DAB1: variants seen among roughly 807,000 people sequenced by gnomAD.
DAB1 encodes the protein DAB adaptor protein 1.
DAB1 carries 15 observed loss-of-function variants against 64.6 expected under a neutral mutation model. That is an observed-to-expected ratio of 0.23 (90% confidence interval 0.16 to 0.36). The LOEUF is 0.36. DAB1 is among the 10% of genes least tolerant of loss of function. DAB1 has a pLI of 1.00. For missense variants in DAB1, 596 were observed against 706.7 expected (o/e 0.84, Z 1.78); for synonymous variants, 235 against 251.9 (o/e 0.93, Z 0.64).
chr1:57,682,949 C>A (rs771741446), intron 6 of DAB1, among the ~76,000 whole-genome samples: 2 of 152,182 alleles, frequency 1.3e-5, no homozygotes, highest in Non-Finnish European at 2.9e-5. Flanking sequence ...GGAATGAGTA[C>A]ACAGGACAGC....
At chr1:57,388,533 C>G (rs1682077251) in intron 1 of DAB1, among the ~76,000 whole-genome samples, 1 of 152,152 alleles carries the variant, frequency 6.6e-6, no homozygotes, top group Non-Finnish European at 1.5e-5. Flanking sequence ...CCCCCAGCTT[C>G]ATCACAAACT....
At chr1:57,089,530 C>T (rs535607067) in intron 4 of DAB1, among the ~76,000 whole-genome samples, 4 of 151,754 alleles carry the variant, frequency 2.6e-5, no homozygotes, top group African/African-American at 7.3e-5. Context: ...CAGGACCAGG[C>T]ATATCAGATG....
chr1:57,719,768 G>C (rs1647129077), intron 6 of DAB1, among the ~76,000 whole-genome samples: 1 of 152,204 alleles, frequency 6.6e-6, no homozygotes, highest in Admixed American at 6.5e-5. Flanking sequence ...CCCAGTGTCA[G>C]GTAGTATCTT....
intron 5 of DAB1, among the ~76,000 whole-genome samples, chr1:57,894,066 C>T (rs1644356653): frequency 6.6e-6 from 1 of 152,118 alleles, no homozygotes; most frequent in African/African-American, 2.4e-5. Context: ...GGGCAGCCAA[C>T]CCCAAGGGAA....
intron 4 of DAB1, among the ~76,000 whole-genome samples, chr1:58,341,379 A>C (rs1474617607): frequency 6.6e-6 from 1 of 152,192 alleles, no homozygotes; most frequent in Non-Finnish European, 1.5e-5. Context: ...ACTTGGACTG[A>C]AACCCAATAA....
chr1:57,917,112 G>A (rs1479047959), intron 5 of DAB1, among the ~76,000 whole-genome samples: 1 of 152,086 alleles, frequency 6.6e-6, no homozygotes, highest in East Asian at 1.9e-4. Context: ...CCCTGTCAGC[G>A]GGGCCACTCT....
chr1:57,381,170 A>C (rs189348763), intron 1 of DAB1, among the ~76,000 whole-genome samples: 59 of 152,296 alleles, frequency 3.9e-4, no homozygotes, highest in Middle Eastern at 3.4e-3. Flanking sequence ...ATACAAGCAG[A>C]ACAGCATTCA....
At chr1:57,094,921 T>A (rs1654019451) in intron 4 of DAB1, among the ~76,000 whole-genome samples, 2 of 152,146 alleles carry the variant, frequency 1.3e-5, no homozygotes, top group Non-Finnish European at 2.9e-5. Context: ...AAAGTGGGCT[T>A]CCCACATACC....
At chr1:57,960,570 G>A (rs1032739654) in intron 5 of DAB1, among the ~76,000 whole-genome samples, 4 of 151,824 alleles carry the variant, frequency 2.6e-5, no homozygotes, top group African/African-American at 7.3e-5. Context: ...AAATACATAC[G>A]TTAATACTAT....
chr1:58,171,977 C>T (rs1256988337), intron 4 of DAB1, among the ~76,000 whole-genome samples: 1 of 152,210 alleles, frequency 6.6e-6, no homozygotes, highest in Non-Finnish European at 1.5e-5. Context: ...TCTGGCTTAT[C>T]CTCACCCTAA....
At chr1:58,322,749 C>CAAAGGATTATAAATCATGCT (rs1553175093) in intron 4 of DAB1, among the ~76,000 whole-genome samples, 2 of 152,088 alleles carry the variant, frequency 1.3e-5, no homozygotes, top group African/African-American at 4.8e-5. Context: ...GGTATATACC[C>CAAAGGATTATAAATCATGCT]AAAGGATTAT....
intron 7 of DAB1, among the ~76,000 whole-genome samples, chr1:57,503,256 T>A (rs1644310141): frequency 6.6e-6 from 1 of 152,184 alleles, no homozygotes; most frequent in South Asian, 2.1e-4. Context: ...TCCCCTTAAA[T>A]CCCTTCTCTT....
intron 5 of DAB1, among the ~76,000 whole-genome samples, chr1:57,977,545 T>C (rs1645951009): frequency 6.6e-6 from 1 of 152,158 alleles, no homozygotes; most frequent in Admixed American, 6.6e-5. Flanking sequence ...CACTTACTAA[T>C]CAATAGATTT....
intron 6 of DAB1, among the ~76,000 whole-genome samples, chr1:57,685,437 A>G (rs1646685036): frequency 6.6e-6 from 1 of 152,210 alleles, no homozygotes; most frequent in Non-Finnish European, 1.5e-5. Flanking sequence ...ACCTACAAAA[A>G]GACTTACATA....
intron 3 of DAB1, among the ~76,000 whole-genome samples, chr1:58,393,031 A>T (rs188859529): frequency 1.3e-3 from 191 of 151,864 alleles, no homozygotes; most frequent in African/African-American, 4.2e-3. Context: ...TGGCTATCTC[A>T]TCATCTCACT....
intron 6 of DAB1, among the ~76,000 whole-genome samples, chr1:57,775,410 A>C: frequency 6.6e-6 from 1 of 151,666 alleles, no homozygotes; most frequent in East Asian, 1.9e-4. Context: ...TTAAAGATAT[A>C]TATTTCCCTT....
At chr1:58,068,271 C>T (rs1316484001) in intron 5 of DAB1, among the ~76,000 whole-genome samples, 1 of 152,206 alleles carries the variant, frequency 6.6e-6, no homozygotes, top group Admixed American at 6.5e-5. Context: ...GTCCTTGCAT[C>T]TCTATCGTTC....
chr1:57,606,785 C>CATATATAT (rs1458949331), intron 7 of DAB1, among the ~76,000 whole-genome samples: 2 of 89,258 alleles, frequency 2.2e-5, no homozygotes, highest in Non-Finnish European at 5.0e-5. Context: ...ATATTTTATA[C>CATATATAT]ATATATATAT....
intron 5 of DAB1, among the ~76,000 whole-genome samples, chr1:58,059,289 A>G (rs891830026): frequency 6.6e-6 from 1 of 152,232 alleles, no homozygotes; most frequent in African/African-American, 2.4e-5. Flanking sequence ...CTAGCTGTGT[A>G]GTCATAGGGA....
Sources: gnomAD v4.1 joint callset for allele counts (sites outside exome capture counted in the v4.1 genomes callset) on GRCh38, gnomAD v4.1.1 for gene constraint, MANE v1.5 for transcripts, NCBI Gene and HGNC (gene_info 2026-07-23, HGNC 2026-07-21) for gene names.